MORN5: variants seen among roughly 807,000 people sequenced by gnomAD.
MORN5 encodes the protein MORN repeat-containing protein 5.
In MORN5, 21 loss-of-function variants were observed where a neutral mutation model predicts 22.1. The ratio of observed to expected loss-of-function variants is 0.95; its 90% confidence interval spans 0.67 to 1.37. The LOEUF (loss-of-function observed/expected upper bound fraction) is 1.37, where lower values mean the gene tolerates loss of function less well. MORN5 is among the 40% of genes most tolerant of loss of function. The probability of loss-of-function intolerance (pLI) is 0.00; values close to 1 mark genes in which losing one functional copy is unlikely to be tolerated. For synonymous variants in MORN5, 73 were observed against 74.0 expected, an observed-to-expected ratio of 0.99 and a Z score of 0.07; for missense variants, 211 against 215.1, an observed-to-expected ratio of 0.98 and a Z score of 0.12.
intron 4 of MORN5, among the ~76,000 whole-genome samples, chr9:122,190,658 T>C (rs998645514): frequency 6.6e-6 from 1 of 152,262 alleles, no homozygotes; most frequent in East Asian, 1.9e-4. Context: ...TGCTCTTCTA[T>C]GGGGAAAAGC....
intron 3 of MORN5, among the ~76,000 whole-genome samples, chr9:122,172,786 T>G (rs1163201810): frequency 6.6e-6 from 1 of 152,214 alleles, no homozygotes; most frequent in Non-Finnish European, 1.5e-5. Flanking sequence ...ATAATGATAC[T>G]GACATCACAG....
chr9:122,173,840 G>A (rs1033208001), intron 3 of MORN5, among the ~76,000 whole-genome samples: 11 of 152,138 alleles, frequency 7.2e-5, no homozygotes, highest in African/African-American at 2.4e-4. Flanking sequence ...CCTTGGGAAA[G>A]TTACTTTAAC....
chr9:122,166,977 C>T, intron 2 of MORN5, 62 bp downstream of exon 2: 1 of 1,506,686 alleles, frequency 6.6e-7, no homozygotes, highest in South Asian at 1.2e-5. Flanking sequence ...GAGCCTCACC[C>T]TCTGGCACCC....
intron 4 of MORN5, among the ~76,000 whole-genome samples, chr9:122,184,394 A>C (rs981100595): frequency 6.6e-6 from 1 of 152,258 alleles, no homozygotes; most frequent in Non-Finnish European, 1.5e-5. Context: ...CACCTAGAGA[A>C]GAAAGATCAC....
At chr9:122,163,233 T>C (rs752200326) in intron 1 of MORN5, among the ~76,000 whole-genome samples, 5 of 152,184 alleles carry the variant, frequency 3.3e-5, no homozygotes, top group Non-Finnish European at 5.9e-5. Context: ...GTGCTCTGGG[T>C]GGCTTTGCCT....
chr9:122,167,746 A>T (rs1412373301), intron 2 of MORN5, among the ~76,000 whole-genome samples: 3 of 152,188 alleles, frequency 2.0e-5, no homozygotes, highest in Non-Finnish European at 4.4e-5. Context: ...TTAGTCTGAA[A>T]TCAGCACAAA....
At chr9:122,162,929 G>A (rs773626144) in intron 1 of MORN5, among the ~76,000 whole-genome samples, 27 of 151,782 alleles carry the variant, frequency 1.8e-4, no homozygotes, top group Non-Finnish European at 3.7e-4. Context: ...ATGTCAAAAC[G>A]TGTCAAATTG....
chr9:122,161,346 T>A (rs1564413635), intron 1 of MORN5, among the ~76,000 whole-genome samples: 1 of 152,194 alleles, frequency 6.6e-6, no homozygotes, highest in Non-Finnish European at 1.5e-5. Context: ...ATTACATCAA[T>A]TTTGCAAGGA....
Position 122,175,201 on chromosome 9 carries a change from T to C in MORN5, c.439+574T>C, listed in dbSNP as rs530579199. ...GAGAAGGTTTCAAGGAGGAAATGAC[T>C]TCTAAGCTGAGACCTGAAGAATAAC... On this transcript the variant is annotated intron_variant, in intron 4 of 4. Transcript: ENST00000373764. Among the ~76,000 whole-genome samples, 5 of 152,280 alleles carry C rather than the reference T, an allele frequency of 3.3e-5. 1 individual carries two copies. Among genetic ancestry groups the C allele is most frequent in the African/African-American group, 1.2e-4 (5 of 41,550 alleles).
At chr9:122,175,884 GA>G (rs1416680000) in intron 4 of MORN5, among the ~76,000 whole-genome samples, 4 of 151,842 alleles carry the variant, frequency 2.6e-5, no homozygotes, top group African/African-American at 7.3e-5. Context: ...GGAGGCCGAG[GA>G]GGGCGGATCA....
chr9:122,185,231 AT>A (rs553423576), intron 4 of MORN5, among the ~76,000 whole-genome samples: 1 of 99,092 alleles, frequency 1.0e-5, no homozygotes. Context: ...AATTTTTTGT[AT>A]TTTTTTTTGA....
chr9:122,167,057 T>A, intron 2 of MORN5, 142 bp downstream of exon 2: 5 of 109,070 alleles, frequency 4.6e-5, no homozygotes, highest in Non-Finnish European at 7.6e-5. Flanking sequence ...CTCCCCCCAC[T>A]TTTTTTTTTT....
At chr9:122,173,895 G>C (rs1588304678) in intron 3 of MORN5, among the ~76,000 whole-genome samples, 1 of 152,198 alleles carries the variant, frequency 6.6e-6, no homozygotes, top group East Asian at 1.9e-4. Flanking sequence ...GAGCCACAGA[G>C]CTGCTCTCAG....
Position 122,199,959 on chromosome 9 carries a change from C to A in MORN5, c.*28C>A. On this transcript the variant is annotated 3_prime_UTR_variant, in exon 5 of 5. Transcript: ENST00000373764. ...TGAGATCGTGGGTCACAGGCCCGAG[C>A]CGTGAACTCTGTGGCTGCCTCCACC... 6.2e-7 allele frequency: 1 copy of A among 1,613,336 alleles called. No individual in the cohort carries two copies. The highest frequency in any genetic ancestry group is 8.5e-7 in the Non-Finnish European group (1 of 1,179,282).
At chr9:122,168,962 G>C (rs558991930) in intron 2 of MORN5, among the ~76,000 whole-genome samples, 2 of 152,238 alleles carry the variant, frequency 1.3e-5, no homozygotes, top group Non-Finnish European at 2.9e-5. Context: ...CCTCAACCAG[G>C]GGGATCAATG....
At chr9:122,186,749 T>C (rs1307652472) in intron 4 of MORN5, among the ~76,000 whole-genome samples, 1 of 152,220 alleles carries the variant, frequency 6.6e-6, no homozygotes, top group Non-Finnish European at 1.5e-5. Flanking sequence ...TCCCCTTCAG[T>C]AGCTGGAGTC....
intron 2 of MORN5, 121 bp downstream of exon 2, chr9:122,167,036 C>T: frequency 1.1e-6 from 1 of 886,618 alleles, no homozygotes; most frequent in Non-Finnish European, 1.6e-6. Context: ...CTTCTCTTTG[C>T]TTCTCCCCCA....
At chr9:122,181,690 G>A (rs1325871025) in intron 4 of MORN5, among the ~76,000 whole-genome samples, 4 of 152,082 alleles carry the variant, frequency 2.6e-5, no homozygotes, top group Non-Finnish European at 5.9e-5. Context: ...GCCTCAGGCT[G>A]GCCTCTAGTC....
At chr9:122,188,846 T>C (rs1375578074) in intron 4 of MORN5, among the ~76,000 whole-genome samples, 3 of 152,206 alleles carry the variant, frequency 2.0e-5, no homozygotes, top group Admixed American at 2.0e-4. Context: ...GTCCTCTCCA[T>C]CCCTGTGTGC....
Sources: gnomAD v4.1 joint callset for allele counts (sites outside exome capture counted in the v4.1 genomes callset) on GRCh38, gnomAD v4.1.1 for gene constraint, MANE v1.5 for transcripts, NCBI Gene and HGNC (gene_info 2026-07-23, HGNC 2026-07-21) for gene names.